CIMIP6: variants seen among roughly 807,000 people sequenced by gnomAD.
CIMIP6 encodes uncharacterized protein C2orf73.
chr2:54,366,536 A>G, the CIMIP6 span, among the ~76,000 whole-genome samples: 2 of 152,180 alleles, frequency 1.3e-5, no homozygotes, highest in Admixed American at 1.3e-4. Flanking sequence ...AAGGGGAAAA[A>G]TCAATTTTGA....
chr2:54,332,908 C>T, the CIMIP6 span, among the ~76,000 whole-genome samples: 1 of 152,150 alleles, frequency 6.6e-6, no homozygotes, highest in Non-Finnish European at 1.5e-5. Context: ...TTACACTTTA[C>T]CAGTAATCAG....
At chr2:54,376,780 T>G in the CIMIP6 span, among the ~76,000 whole-genome samples, 1 of 152,236 alleles carries the variant, frequency 6.6e-6, no homozygotes, top group Non-Finnish European at 1.5e-5. Flanking sequence ...CCACCACTGC[T>G]TGACCATTTG....
chr2:54,378,880 GA>G, the CIMIP6 span, among the ~76,000 whole-genome samples: 1 of 152,150 alleles, frequency 6.6e-6, no homozygotes, highest in Non-Finnish European at 1.5e-5. Context: ...GTGCTTTCGT[GA>G]TGAAAGTACT....
chr2:54,379,610 C>G, the CIMIP6 span, among the ~76,000 whole-genome samples: 2 of 151,774 alleles, frequency 1.3e-5, no homozygotes, highest in Non-Finnish European at 2.9e-5. Context: ...GAGGCCAAGG[C>G]GGGATTCCTT....
the CIMIP6 span, among the ~76,000 whole-genome samples, chr2:54,344,387 G>C: frequency 2.6e-5 from 4 of 152,120 alleles, no homozygotes; most frequent in African/African-American, 9.7e-5. Context: ...ATAGAAGGAA[G>C]AACTTTCTGG....
At chr2:54,346,137 A>C in the CIMIP6 span, among the ~76,000 whole-genome samples, 2 of 152,212 alleles carry the variant, frequency 1.3e-5, no homozygotes, top group Non-Finnish European at 2.9e-5. Context: ...ATTATGTAAT[A>C]CTATGCATGC....
At chr2:54,335,080 C>T in the CIMIP6 span, 1 of 1,399,732 alleles carries the variant, frequency 7.1e-7, no homozygotes, top group Non-Finnish European at 9.7e-7. Context: ...TGCTGTTTTG[C>T]AGAATAATTT....
At chr2:54,357,638 G>A in the CIMIP6 span, among the ~76,000 whole-genome samples, 2 of 149,788 alleles carry the variant, frequency 1.3e-5, no homozygotes, top group African/African-American at 4.9e-5. Flanking sequence ...GTGCAGTGGC[G>A]CGATTTTGGC....
chr2:54,349,897 G>A, the CIMIP6 span, among the ~76,000 whole-genome samples: 1 of 150,020 alleles, frequency 6.7e-6, no homozygotes, highest in African/African-American at 2.5e-5. Context: ...CGCCCAGGCT[G>A]GAGGGCAAGT....
At chr2:54,342,437 T>A in the CIMIP6 span, among the ~76,000 whole-genome samples, 5 of 152,194 alleles carry the variant, frequency 3.3e-5, no homozygotes, top group African/African-American at 1.2e-4. Context: ...GTATAAATTA[T>A]CAATTTGTAA....
chr2:54,339,159 AAAAAT>A, the CIMIP6 span, among the ~76,000 whole-genome samples: 8 of 74,170 alleles, frequency 1.1e-4, 2 homozygotes, highest in Non-Finnish European at 1.4e-4. Flanking sequence ...CATCTCAAGA[AAAAAT>A]AAAATAAAAT....
chr2:54,379,654 T>G, the CIMIP6 span, among the ~76,000 whole-genome samples: 6 of 151,162 alleles, frequency 4.0e-5, no homozygotes, highest in African/African-American at 9.8e-5. Context: ...CTGGGCAACA[T>G]AGGGAGACCC....
At chr2:54,381,773 A>C in the CIMIP6 span, 3 of 1,468,232 alleles carry the variant, frequency 2.0e-6, no homozygotes, top group African/African-American at 4.3e-5. Context: ...ACTCCATCTG[A>C]TTTAACGCTT....
the CIMIP6 span, among the ~76,000 whole-genome samples, chr2:54,349,112 T>C: frequency 7.2e-5 from 11 of 152,376 alleles, no homozygotes; most frequent in Middle Eastern, 3.4e-3. Flanking sequence ...TTCTTTTGAA[T>C]TGCAAATTCA....
chr2:54,333,991 ACGGT>A, the CIMIP6 span, among the ~76,000 whole-genome samples: 1 of 152,176 alleles, frequency 6.6e-6, no homozygotes, highest in Non-Finnish European at 1.5e-5. Flanking sequence ...ATAAGATTAA[ACGGT>A]GCTACCTGCT....
the CIMIP6 span, among the ~76,000 whole-genome samples, chr2:54,356,652 A>G: frequency 3.3e-5 from 5 of 152,202 alleles, no homozygotes; most frequent in East Asian, 9.6e-4. Context: ...TGACCCTAGC[A>G]TCCTAGAGAC....
At chr2:54,378,706 T>C in the CIMIP6 span, among the ~76,000 whole-genome samples, 2 of 152,144 alleles carry the variant, frequency 1.3e-5, no homozygotes, top group African/African-American at 2.4e-5. Flanking sequence ...AAAAGAAGTA[T>C]TCAACCAAAG....
At chr2:54,359,110 A>G in the CIMIP6 span, 1 of 1,167,688 alleles carries the variant, frequency 8.6e-7, no homozygotes, top group Non-Finnish European at 1.2e-6. Flanking sequence ...ATACTTTAAG[A>G]CAGAGTAGAT....
the CIMIP6 span, among the ~76,000 whole-genome samples, chr2:54,362,616 C>T: frequency 7.9e-5 from 12 of 152,154 alleles, no homozygotes; most frequent in Admixed American, 2.0e-4. Context: ...GCCTTGATCT[C>T]GGCTCACTGC....
Sources: allele counts gnomAD v4.1 joint callset (sites outside exome capture counted in the v4.1 genomes callset), GRCh38; gene constraint gnomAD v4.1.1; transcripts MANE v1.5; gene names NCBI Gene and HGNC (gene_info 2026-07-23, HGNC 2026-07-21).